Variants in MYO15B observed in about 807,000 individuals in gnomAD.
MYO15B encodes myosin XVB.
A neutral mutation model predicts 119.3 loss-of-function variants in MYO15B; 207 were observed. That is an observed-to-expected ratio of 1.73 (90% CI 1.55 to 1.95). The LOEUF is 1.95. Among genes scored for constraint, MYO15B ranks in the 30% most tolerant of loss-of-function variants. The pLI is 0.00. For missense variants in MYO15B, 2,264 were observed against 1,203.1 expected (o/e 1.88, Z -13.04); for synonymous variants, 966 against 498.9 (o/e 1.94, Z -12.48).
chr17:75,620,773 G>C (rs10808), intron 49 of MYO15B, 137 bp downstream of exon 49: 205,785 of 700,740 alleles, frequency 0.29, 31,618 homozygotes, highest in Middle Eastern at 0.37. Flanking sequence ...CCCTCTGCCC[G>C]CTCCTGATGG....
intron 4 of MYO15B, 78 bp from the exon 5 acceptor site, chr17:75,591,523 C>T: frequency 1.4e-6 from 1 of 696,016 alleles, no homozygotes; most frequent in Non-Finnish European, 2.6e-6. Context: ...TTCTGGGTGG[C>T]ACATCCCACT....
chr17:75,602,539 A>G (rs1473886860), exon 16 of MYO15B: 1 of 701,004 alleles, frequency 1.4e-6, no homozygotes, highest in African/African-American at 1.7e-5. Flanking sequence ...TTAAACAGAA[A>G]CCGGGATCAG....
chr17:75,616,209 A>T, intron 37 of MYO15B, 62 bp downstream of exon 37: 1 of 571,016 alleles, frequency 1.8e-6, no homozygotes, highest in Non-Finnish European at 3.1e-6. Flanking sequence ...GGCCCGGGCC[A>T]GGGAGGGTGG....
At chr17:75,620,906 T>C (rs2148106565) in intron 49 of MYO15B, 125 bp from the exon 50 acceptor site, 6 of 702,108 alleles carry the variant, frequency 8.5e-6, no homozygotes. Context: ...AATAAACAGC[T>C]CTTCACTTTC....
intron 51 of MYO15B, 41 bp from the exon 52 acceptor site, chr17:75,621,460 C>G (rs1419080684): frequency 1.4e-6 from 1 of 699,542 alleles, no homozygotes. Flanking sequence ...CTCTGACCCC[C>G]ACGGCCCCCC....
chr17:75,621,066 C>T (rs763585454), exon 50 of MYO15B: 414 of 702,862 alleles, frequency 5.9e-4, no homozygotes, highest in Non-Finnish European at 8.6e-4. Context: ...CACACAGTGA[C>T]GACTCGGAGG....
chr17:75,619,686 G>C (rs1305492024), exon 46 of MYO15B: 1 of 702,874 alleles, frequency 1.4e-6, no homozygotes, highest in Admixed American at 2.0e-5. Context: ...TGTAGGGCGA[G>C]AGTGGCAGCG....
chr17:75,590,209 G>T (rs1041475176), exon 1 of MYO15B: 2 of 398,980 alleles, frequency 5.0e-6, no homozygotes, highest in Non-Finnish European at 8.8e-6. Context: ...CCTCGGAGAC[G>T]GCCTGGAAGA....
At chr17:75,614,356 G>T (rs1175714852) in exon 30 of MYO15B, 8 of 702,360 alleles carry the variant, frequency 1.1e-5, no homozygotes, top group Non-Finnish European at 2.6e-6. Context: ...CACTCCTCTT[G>T]GCTCGTAGGT....
intron 9 of MYO15B, among the ~76,000 whole-genome samples, chr17:75,594,101 AAAAG>A (rs1324713764): frequency 2.1e-4 from 17 of 81,086 alleles, no homozygotes; most frequent in African/African-American, 5.1e-4. Context: ...AAAAAAAAAA[AAAAG>A]AAAAAAAAAA....
At chr17:75,590,877 ACT>A (rs1441972782) in intron 2 of MYO15B, 28 bp from the exon 3 acceptor site, 2 of 387,786 alleles carry the variant, frequency 5.2e-6, no homozygotes, top group African/African-American at 2.1e-5. Context: ...CTCCCTCCAC[ACT>A]CTGATGAGAG....
intron 14 of MYO15B, among the ~76,000 whole-genome samples, chr17:75,598,239 G>T (rs1048055417): frequency 2.7e-5 from 4 of 148,978 alleles, no homozygotes; most frequent in African/African-American, 4.9e-5. Flanking sequence ...CTACACTCCA[G>T]CCTGGGGACA....
chr17:75,620,562 C>G (rs536050567), exon 49 of MYO15B: 1 of 702,886 alleles, frequency 1.4e-6, no homozygotes, highest in African/African-American at 1.7e-5. Flanking sequence ...CTCCAAGGAG[C>G]AGAGGAGTGG....
At chr17:75,618,276 C>T (rs1162231316) in intron 43 of MYO15B, 91 bp downstream of exon 43, 5 of 684,102 alleles carry the variant, frequency 7.3e-6, no homozygotes, top group African/African-American at 3.5e-5. Context: ...GTTAACACCA[C>T]GTAGGGCATG....
intron 19 of MYO15B, among the ~76,000 whole-genome samples, chr17:75,604,493 G>A (rs1272524049): frequency 8.9e-5 from 3 of 33,636 alleles, no homozygotes; most frequent in African/African-American, 3.6e-4. Flanking sequence ...TCCCTTCCAC[G>A]TCCCTCCCTC....
intron 62 of MYO15B, 43 bp from the exon 63 acceptor site, chr17:75,626,045 C>T (rs1348929305): frequency 1.4e-6 from 1 of 697,940 alleles, no homozygotes; most frequent in East Asian, 2.7e-5. Flanking sequence ...CACAATGACC[C>T]CTCCCCGGAG....
intron 22 of MYO15B, 149 bp downstream of exon 22, chr17:75,610,408 T>C (rs2057948772): frequency 1.9e-6 from 1 of 532,432 alleles, no homozygotes; most frequent in Middle Eastern, 5.0e-4. Flanking sequence ...TCATCCCTTT[T>C]CCCTCCGGCC....
chr17:75,617,574 T>TCA (rs201924814), intron 41 of MYO15B: 162,869 of 566,880 alleles, frequency 0.29, 24,753 homozygotes, highest in Middle Eastern at 0.34. Context: ...TGTGAGGAAG[T>TCA]TAGTGGCCCT....
At chr17:75,615,768 G>T (rs2058334194) in exon 36 of MYO15B, 1 of 702,202 alleles carries the variant, frequency 1.4e-6, no homozygotes, top group East Asian at 2.7e-5. Context: ...GCAGGCTCGG[G>T]CCTCCGAGGC....
Sources: gnomAD v4.1 joint callset for allele counts (sites outside exome capture counted in the v4.1 genomes callset) on GRCh38, gnomAD v4.1.1 for gene constraint, MANE v1.5 for transcripts, NCBI Gene and HGNC (gene_info 2026-07-23, HGNC 2026-07-21) for gene names.